Variants in CDH13 observed in about 807,000 individuals in gnomAD.
CDH13 encodes the protein cadherin-13.
In CDH13, 24 loss-of-function variants were observed where a neutral mutation model predicts 63.8. That is an observed-to-expected ratio of 0.38 (90% CI 0.27 to 0.53). The LOEUF is 0.53. CDH13 is among the 20% of genes least tolerant of loss of function. CDH13 has a pLI of 0.85. For missense variants in CDH13, 1,049 were observed against 903.1 expected, an observed-to-expected ratio of 1.16 and a Z score of -2.07; for synonymous variants, 503 against 355.3, an observed-to-expected ratio of 1.42 and a Z score of -4.67.
chr16:82,874,994 G>A (rs1033640279), intron 2 of CDH13, among the ~76,000 whole-genome samples: 2 of 152,210 alleles, frequency 1.3e-5, no homozygotes, highest in African/African-American at 4.8e-5. Flanking sequence ...CTAGGACCAG[G>A]CTTTTGGCCA....
At chr16:83,077,130 C>G (rs1597284402) in intron 3 of CDH13, among the ~76,000 whole-genome samples, 2 of 139,716 alleles carry the variant, frequency 1.4e-5, no homozygotes, top group South Asian at 2.4e-4. Flanking sequence ...TGTTTGATTT[C>G]TTTCACTCAG....
At chr16:83,169,811 T>C (rs147603119) in intron 4 of CDH13, among the ~76,000 whole-genome samples, 2 of 152,244 alleles carry the variant, frequency 1.3e-5, no homozygotes, top group African/African-American at 4.8e-5. Flanking sequence ...CATTTTTTCC[T>C]TATGCGTATT....
At chr16:83,081,748 A>G (rs2033271023) in intron 3 of CDH13, among the ~76,000 whole-genome samples, 1 of 152,148 alleles carries the variant, frequency 6.6e-6, no homozygotes, top group African/African-American at 2.4e-5. Context: ...ATCTCCTTAG[A>G]ATGGTACTAA....
chr16:82,822,770 T>G (rs796085446), intron 1 of CDH13, among the ~76,000 whole-genome samples: 1 of 152,224 alleles, frequency 6.6e-6, no homozygotes, highest in African/African-American at 2.4e-5. Flanking sequence ...GCTGAGATTA[T>G]AGGCATAAGC....
At chr16:82,639,276 CTGGGCTACTGAT>C (rs1038552911) in intron 1 of CDH13, 135 of 881,498 alleles carry the variant, frequency 1.5e-4, no homozygotes, top group Non-Finnish European at 2.1e-4. Context: ...GACTTCCTGT[CTGGGCTACTGAT>C]TGCAACCTTC....
intron 5 of CDH13, among the ~76,000 whole-genome samples, chr16:83,231,993 A>G (rs1201474573): frequency 6.6e-6 from 1 of 152,008 alleles, no homozygotes; most frequent in Non-Finnish European, 1.5e-5. Flanking sequence ...CACATGTTCT[A>G]ACTTATAAGT....
intron 1 of CDH13, among the ~76,000 whole-genome samples, chr16:82,811,476 T>C: frequency 6.6e-6 from 1 of 152,206 alleles, no homozygotes; most frequent in East Asian, 1.9e-4. Flanking sequence ...TTTTTTCCTA[T>C]AACTGGTGAC....
At chr16:83,171,736 T>C (rs1033464219) in intron 4 of CDH13, among the ~76,000 whole-genome samples, 2 of 152,268 alleles carry the variant, frequency 1.3e-5, no homozygotes, top group African/African-American at 4.8e-5. Flanking sequence ...TTCTGAGGCA[T>C]GGAGTCCCAA....
intron 5 of CDH13, among the ~76,000 whole-genome samples, chr16:83,337,834 A>G (rs368586294): frequency 1.3e-5 from 2 of 152,088 alleles, no homozygotes; most frequent in African/African-American, 4.8e-5. Flanking sequence ...AAGCTCCTCA[A>G]TTCATGGATG....
At chr16:83,545,663 T>C (rs1417066353) in intron 7 of CDH13, among the ~76,000 whole-genome samples, 1 of 152,150 alleles carries the variant, frequency 6.6e-6, no homozygotes, top group Non-Finnish European at 1.5e-5. Flanking sequence ...CCAGACCTCC[T>C]CTGCCATCCT....
chr16:83,515,933 A>G (rs1187467709), intron 7 of CDH13, among the ~76,000 whole-genome samples: 1 of 152,226 alleles, frequency 6.6e-6, no homozygotes, highest in Non-Finnish European at 1.5e-5. Context: ...AGAAATGATA[A>G]GCTGATATTT....
At chr16:82,743,813 A>G (rs563008102) in intron 1 of CDH13, among the ~76,000 whole-genome samples, 8 of 152,358 alleles carry the variant, frequency 5.3e-5, no homozygotes, top group African/African-American at 1.9e-4. Context: ...TATTTTTAAT[A>G]CAAATATTTT....
chr16:83,621,004 G>A (rs1909761836), intron 8 of CDH13, among the ~76,000 whole-genome samples: 1 of 152,136 alleles, frequency 6.6e-6, no homozygotes, highest in Non-Finnish European at 1.5e-5. Context: ...TTTGTACGCA[G>A]CAGGGTCAGA....
intron 3 of CDH13, among the ~76,000 whole-genome samples, chr16:83,033,911 C>A (rs1471707916): frequency 1.3e-5 from 2 of 152,136 alleles, no homozygotes; most frequent in Non-Finnish European, 2.9e-5. Flanking sequence ...TTTTTCACAG[C>A]CCCTAATTCA....
At chr16:82,894,394 C>T (rs1471746808) in intron 2 of CDH13, among the ~76,000 whole-genome samples, 1 of 152,178 alleles carries the variant, frequency 6.6e-6, no homozygotes, top group Non-Finnish European at 1.5e-5. Context: ...GTAATCCCAG[C>T]ACTTTGAGAG....
chr16:83,084,722 C>G (rs1011097626), intron 3 of CDH13, among the ~76,000 whole-genome samples: 1 of 152,092 alleles, frequency 6.6e-6, no homozygotes, highest in African/African-American at 2.4e-5. Flanking sequence ...AACCCCGCCT[C>G]TACTAAAAAT....
At chr16:82,845,248 A>G (rs2039208839) in intron 1 of CDH13, among the ~76,000 whole-genome samples, 1 of 152,190 alleles carries the variant, frequency 6.6e-6, no homozygotes, top group Non-Finnish European at 1.5e-5. Flanking sequence ...TCTGTCTGCA[A>G]GAAGGCAGGT....
At chr16:82,850,120 G>C (rs951232254) in intron 1 of CDH13, among the ~76,000 whole-genome samples, 1 of 152,214 alleles carries the variant, frequency 6.6e-6, no homozygotes, top group Admixed American at 6.5e-5. Context: ...TAAGGCTACA[G>C]CTTCTAAAGA....
intron 7 of CDH13, among the ~76,000 whole-genome samples, chr16:83,565,103 G>A (rs1389063796): frequency 2.6e-5 from 4 of 152,120 alleles, no homozygotes; most frequent in African/African-American, 9.7e-5. Flanking sequence ...CCAGGTCTGT[G>A]GGTCCTCTTT....
Sources: allele counts gnomAD v4.1 joint callset (sites outside exome capture counted in the v4.1 genomes callset), GRCh38; gene constraint gnomAD v4.1.1; transcripts MANE v1.5; gene names NCBI Gene and HGNC (gene_info 2026-07-23, HGNC 2026-07-21).